The following FAAH2 variants were observed in gnomAD, a reference collection of about 807,000 sequenced individuals.
The protein encoded by FAAH2 is fatty-acid amide hydrolase 2.
Under a neutral mutation model 36.9 loss-of-function variants are expected in FAAH2, and 60 were observed. That is an observed-to-expected ratio of 1.63 (90% CI 1.32 to 2.02). The LOEUF is 2.02. Ranked by LOEUF, FAAH2 falls within the 30% of genes most tolerant of loss-of-function variation. FAAH2 has a pLI of 0.00. For synonymous variants in FAAH2, 214 were observed against 143.8 expected (o/e 1.49, Z -3.49); for missense variants, 689 against 397.5 (o/e 1.73, Z -6.23).
intron 5 of FAAH2, among the ~76,000 whole-genome samples, chrX:57,365,211 A>T (rs1217889819): frequency 8.9e-6 from 1 of 111,775 alleles, no homozygotes; most frequent in Non-Finnish European, 1.9e-5. Flanking sequence ...TTTCATTTCC[A>T]TATTTAGCAC....
chrX:57,251,260 AT>A, the FAAH2 span, among the ~76,000 whole-genome samples: 1 of 112,378 alleles, frequency 8.9e-6, no homozygotes, highest in Non-Finnish European at 1.9e-5. Flanking sequence ...CCATATGATT[AT>A]CTTAATAGAT....
At chrX:57,128,853 C>A in the FAAH2 span, among the ~76,000 whole-genome samples, 1 of 111,290 alleles carries the variant, frequency 9.0e-6, no homozygotes, top group Non-Finnish European at 1.9e-5. Context: ...TGGAGTAAGA[C>A]AGAAAATAAA....
At chrX:57,470,034 A>T (rs926043817) in intron 10 of FAAH2, among the ~76,000 whole-genome samples, 2 of 111,937 alleles carry the variant, frequency 1.8e-5, no homozygotes, top group African/African-American at 3.2e-5. Flanking sequence ...AGAAATAAAG[A>T]TGTTCTTCAA....
chrX:57,278,870 G>T, the FAAH2 span, among the ~76,000 whole-genome samples: 1 of 112,175 alleles, frequency 8.9e-6, no homozygotes, highest in Admixed American at 9.5e-5. Flanking sequence ...ATCATCACTG[G>T]TCATTAGAGA....
the FAAH2 span, among the ~76,000 whole-genome samples, chrX:57,171,551 A>G: frequency 7.2e-5 from 8 of 111,402 alleles, no homozygotes; most frequent in East Asian, 1.1e-3. Flanking sequence ...GGCCATTTGT[A>G]TATTTTCTTT....
At chrX:57,292,048 G>A (rs2052000208) in intron 1 of FAAH2, among the ~76,000 whole-genome samples, 1 of 110,714 alleles carries the variant, frequency 9.0e-6, no homozygotes, top group African/African-American at 3.3e-5. Flanking sequence ...TATTTTATCT[G>A]GAAACCCTAA....
At position 57,433,060 on chromosome X, in the gene FAAH2, T is replaced by C. The variant is rs144122447; in HGVS notation, c.1116+1023T>C. Among the ~76,000 whole-genome samples the C allele has an allele frequency of 3.9e-3, 438 of 111,191 alleles. 3 individuals carry two copies. The highest frequency in any genetic ancestry group is 0.014 in the African/African-American group (423 of 30,718). Reference sequence around the variant, plus strand: ...GAAATCTCTCAGAACAAAACGTTTATACAAATTCACAAGGGGAGGAGGTTT... The same window carrying C: ...GAAATCTCTCAGAACAAAACGTTTACACAAATTCACAAGGGGAGGAGGTTT... On this transcript the variant is annotated intron_variant, in intron 8 of 10. Transcript: ENST00000374900.
chrX:57,352,394 G>A (rs368747174), intron 5 of FAAH2, among the ~76,000 whole-genome samples: 3 of 107,281 alleles, frequency 2.8e-5, no homozygotes, highest in African/African-American at 1.0e-4. Context: ...CAAAGAAAAA[G>A]CATTCGATAA....
At chrX:57,418,441 C>T (rs1303109934) in intron 7 of FAAH2, among the ~76,000 whole-genome samples, 3 of 110,924 alleles carry the variant, frequency 2.7e-5, no homozygotes, top group Non-Finnish European at 5.7e-5. Flanking sequence ...TTGCACCATC[C>T]CTCATGGCAC....
intron 7 of FAAH2, among the ~76,000 whole-genome samples, chrX:57,422,971 G>A (rs1451454310): frequency 8.9e-6 from 1 of 112,238 alleles, no homozygotes; most frequent in East Asian, 2.8e-4. Context: ...AAATTTGTGA[G>A]TGAGTCACCA....
At chrX:57,163,765 A>T in the FAAH2 span, among the ~76,000 whole-genome samples, 5 of 112,255 alleles carry the variant, frequency 4.5e-5, no homozygotes, top group South Asian at 3.7e-4. Flanking sequence ...ACTGTCTGGC[A>T]CTACCTAGTG....
the FAAH2 span, chrX:57,137,010 T>G: frequency 2.4e-6 from 2 of 847,877 alleles, no homozygotes; most frequent in East Asian, 8.4e-5. Context: ...TCCTAACCAC[T>G]TCCCTGTTAC....
intron 10 of FAAH2, among the ~76,000 whole-genome samples, chrX:57,485,048 C>A (rs2057449054): frequency 8.9e-6 from 1 of 111,761 alleles, no homozygotes; most frequent in African/African-American, 3.3e-5. Flanking sequence ...CTCTGGGCTG[C>A]AGCTGAAATA....
At chrX:57,334,299 A>ACACACACACACAC (rs1569269197) in intron 4 of FAAH2, among the ~76,000 whole-genome samples, 26 of 14,309 alleles carry the variant, frequency 1.8e-3, no homozygotes, top group Non-Finnish European at 8.7e-3. Flanking sequence ...CACACACACA[A>ACACACACACACAC]AGATGGGAGT....
At chrX:57,387,574 T>C (rs767085408) in intron 7 of FAAH2, among the ~76,000 whole-genome samples, 1 of 111,458 alleles carries the variant, frequency 9.0e-6, no homozygotes, top group East Asian at 2.8e-4. Flanking sequence ...AGAACTTTAC[T>C]AAGAGTCCTA....
chrX:57,463,621 A>G (rs2056998600), intron 10 of FAAH2, among the ~76,000 whole-genome samples: 1 of 112,000 alleles, frequency 8.9e-6, no homozygotes, highest in Admixed American at 9.5e-5. Context: ...TCTCAAAAAA[A>G]GACATTTATC....
At chrX:57,283,369 C>T (rs761550810), upstream of FAAH2, among the ~76,000 whole-genome samples, 1 of 111,225 alleles carries the variant, frequency 9.0e-6, no homozygotes, top group Non-Finnish European at 1.9e-5. Context: ...AGGTGGGGAC[C>T]CCGCTTGGGG....
At chrX:57,450,319 C>A (rs926358029) in intron 10 of FAAH2, among the ~76,000 whole-genome samples, 5 of 109,776 alleles carry the variant, frequency 4.6e-5, no homozygotes, top group African/African-American at 1.7e-4. Context: ...TACATTATCT[C>A]ATTTATGTTT....
At chrX:57,134,804 C>T in the FAAH2 span, 2 of 111,626 alleles carry the variant, frequency 1.8e-5, no homozygotes, top group African/African-American at 6.5e-5. Context: ...ACCATGTTAG[C>T]GTGTTTAGGC....
Sources: allele counts gnomAD v4.1 joint callset (sites outside exome capture counted in the v4.1 genomes callset), GRCh38; gene constraint gnomAD v4.1.1; transcripts MANE v1.5; gene names NCBI Gene and HGNC (gene_info 2026-07-23, HGNC 2026-07-21).